Variants in LEMD3 observed in about 807,000 individuals in gnomAD.
LEMD3 encodes the protein inner nuclear membrane protein Man1.
Under a neutral mutation model 95.2 loss-of-function variants are expected in LEMD3, and 33 were observed. That is an observed-to-expected ratio of 0.35 (90% CI 0.26 to 0.46). LEMD3 has a LOEUF of 0.46. LEMD3 is among the 20% of genes least tolerant of loss of function. LEMD3 has a pLI of 1.00. For missense variants in LEMD3, 1,210 were observed against 1,192.8 expected, an observed-to-expected ratio of 1.01 and a Z score of -0.21; for synonymous variants, 525 against 474.6, an observed-to-expected ratio of 1.11 and a Z score of -1.38.
chr12:65,225,603 CAG>C (rs1293195646), intron 4 of LEMD3, among the ~76,000 whole-genome samples: 11 of 152,162 alleles, frequency 7.2e-5, no homozygotes, highest in African/African-American at 2.4e-4. Flanking sequence ...TGTTTTGAGA[CAG>C]AGTCTTGCTC....
At chr12:65,195,061 C>T (rs1449791435) in intron 1 of LEMD3, among the ~76,000 whole-genome samples, 1 of 151,910 alleles carries the variant, frequency 6.6e-6, no homozygotes, top group Non-Finnish European at 1.5e-5. Context: ...TCATAATTTT[C>T]TTACTGTTAT....
rs747990796 is a variant in LEMD3, at chr12:65,238,785, T to C, written c.1892T>C (p.Val631Ala). The C allele has an allele frequency of 2.5e-6, 4 of 1,614,090 alleles. No individual in the cohort carries two copies. The highest frequency in any genetic ancestry group is 3.4e-6 in the Non-Finnish European group (4 of 1,179,970). Reference sequence around the variant, plus strand: ...CGTTTTCGACGTGCTTTTGTTACTGTAACTCACAGATTATTGTTGTTATGC... The same window carrying C: ...CGTTTTCGACGTGCTTTTGTTACTGCAACTCACAGATTATTGTTGTTATGC... ...WCRFRRAFVTVTHRLLLLCLG... is the reference protein window; with the variant it reads ...WCRFRRAFVTATHRLLLLCLG... The change falls in exon 6 of 13, where the codon GTA (valine) becomes GCA (alanine). Residue 631 changes from valine (V) to alanine (A), a missense_variant. Val to Ala is a moderately conservative substitution (Grantham distance 64). Coordinates refer to ENST00000308330, the MANE Select transcript of LEMD3 (RefSeq NM_014319.5).
At chr12:65,198,244 C>A (rs1294254857) in intron 1 of LEMD3, among the ~76,000 whole-genome samples, 1 of 152,050 alleles carries the variant, frequency 6.6e-6, no homozygotes, top group African/African-American at 2.4e-5. Flanking sequence ...AGTGAGCTGT[C>A]ACCATGTTTA....
chr12:65,187,684 C>T (rs1055507665), intron 1 of LEMD3, among the ~76,000 whole-genome samples: 7 of 151,896 alleles, frequency 4.6e-5, no homozygotes, highest in African/African-American at 1.2e-4. Flanking sequence ...TAAATGGACT[C>T]CAGGTAAGCA....
intron 1 of LEMD3, among the ~76,000 whole-genome samples, chr12:65,194,302 A>G (rs1430777687): frequency 6.6e-6 from 1 of 151,936 alleles, no homozygotes; most frequent in Non-Finnish European, 1.5e-5. Context: ...AGAGAGGGGA[A>G]TTGCAATAGA....
At chr12:65,197,571 T>A (rs1379405047) in intron 1 of LEMD3, among the ~76,000 whole-genome samples, 1 of 152,140 alleles carries the variant, frequency 6.6e-6, no homozygotes, top group African/African-American at 2.4e-5. Flanking sequence ...GTAGTTTTGT[T>A]TTTGACTTGA....
At chr12:65,191,255 G>A (rs762955571) in intron 1 of LEMD3, among the ~76,000 whole-genome samples, 1 of 152,024 alleles carries the variant, frequency 6.6e-6, no homozygotes. Flanking sequence ...TTTCAGGAAA[G>A]CATCAGAGTA....
In LEMD3 at chr12:65,169,900, C is replaced by A. The variant is rs1189699554; in HGVS notation, c.304C>A (p.Arg102=). The A allele has an allele frequency of 6.9e-7, 1 of 1,451,190 alleles. No individual in the cohort carries two copies. The highest frequency in any genetic ancestry group is 1.5e-5 in the South Asian group (1 of 68,320). The allele number at this position is 1,451,190 out of a possible 1,614,324, so 89.9% of individuals were successfully genotyped here. Residue 102 remains arginine, a synonymous_variant, in exon 1 of 13, where the codon CGG becomes AGG. Transcript: ENST00000308330. The part of the protein sequence containing the change: ...RPVSGDLSYL[R]TPGGLCRISA... Reference sequence around the variant, plus strand: ...GGTCTCGGGCGACCTCTCCTACTTACGGACTCCTGGGGGCCTGTGCCGAAT... The same window carrying A: ...GGTCTCGGGCGACCTCTCCTACTTAAGGACTCCTGGGGGCCTGTGCCGAAT...
At chr12:65,183,894 T>A (rs577902924) in intron 1 of LEMD3, among the ~76,000 whole-genome samples, 5 of 152,190 alleles carry the variant, frequency 3.3e-5, no homozygotes, top group Admixed American at 6.5e-5. Flanking sequence ...TCCCATTCAT[T>A]AAACTGCTTT....
At chr12:65,202,373 A>T (rs1480503825) in intron 1 of LEMD3, among the ~76,000 whole-genome samples, 3 of 148,878 alleles carry the variant, frequency 2.0e-5, no homozygotes, top group Non-Finnish European at 4.5e-5. Context: ...AGATCATGTG[A>T]TTTTTTTTTT....
chr12:65,170,454 C>T lies in LEMD3; in HGVS notation c.858C>T (p.Pro286=), dbSNP rs138509307. ...ACGACTCCCTTTCCCGGCATCGGCCCAGACGAACCCATAGTAAGCCTCTCC... is the reference window on the plus strand; with the variant it reads ...ACGACTCCCTTTCCCGGCATCGGCCTAGACGAACCCATAGTAAGCCTCTCC... ...LKDDSLSRHR[P]RRTHSKPLPP... The change falls in exon 1 of 13, where the codon CCC becomes CCT. Residue 286 remains proline (P), a synonymous_variant. Transcript: ENST00000308330. The T allele has an allele frequency of 3.1e-6, 5 of 1,614,000 alleles. No homozygotes were observed. Among genetic ancestry groups the T allele is most frequent in the East Asian group, 2.2e-5 (1 of 44,868 alleles).
At chr12:65,238,450 GA>G (rs1246586138) in intron 4 of LEMD3, 51 bp from the exon 5 acceptor site, 12 of 1,110,852 alleles carry the variant, frequency 1.1e-5, no homozygotes, top group African/African-American at 3.1e-5. Context: ...ATACTTTACA[GA>G]GAGTCGAATG....
Position 65,245,790 on chromosome 12 carries a change from G to A in LEMD3, c.2493+16G>A. ...TTCACGTGAGGTAAAGTAACTTTTG[G>A]TATTGAATTTCATGTTTTGGATTTG... On this transcript the variant is annotated intron_variant, in intron 11 of 12. Coordinates refer to ENST00000308330, the MANE Select transcript of LEMD3 (RefSeq NM_014319.5). The A allele has an allele frequency of 1.9e-6, 3 of 1,607,390 alleles. No individual in the cohort carries two copies. The highest frequency in any genetic ancestry group is 1.7e-4 in the Middle Eastern group (1 of 6,044).
At chr12:65,236,907 C>G (rs1007272929) in intron 4 of LEMD3, among the ~76,000 whole-genome samples, 2 of 151,956 alleles carry the variant, frequency 1.3e-5, no homozygotes, top group Non-Finnish European at 2.9e-5. Flanking sequence ...TAATATGATA[C>G]CACATTTATT....
intron 1 of LEMD3, among the ~76,000 whole-genome samples, chr12:65,175,160 C>T (rs940070764): frequency 2.0e-5 from 3 of 152,142 alleles, no homozygotes; most frequent in Non-Finnish European, 4.4e-5. Context: ...AAGACCTAAA[C>T]GCCTTGAGGG....
In LEMD3 at chr12:65,170,797, G is replaced by A. The variant is rs2136313498; in HGVS notation, c.1201G>A (p.Asp401Asn). 6.2e-7 allele frequency: 1 copy of A among 1,614,150 alleles called. No individual in the cohort carries two copies. Residue 401 changes from aspartate (D) to asparagine (N), a missense_variant, in exon 1 of 13, where the codon GAC becomes AAC. Asp to Asn is a conservative substitution (Grantham distance 23, BLOSUM62 1). Coordinates refer to ENST00000308330, the MANE Select transcript of LEMD3 (RefSeq NM_014319.5). ...NHIGGGAFSV[D>N]SPRIYSNSLP... ...TATTGGCGGTGGGGCCTTCAGTGTG[G>A]ACTCCCCCAGGATTTATTCTAACAG...
intron 1 of LEMD3, among the ~76,000 whole-genome samples, chr12:65,203,929 A>G (rs1006552876): frequency 6.6e-6 from 1 of 152,176 alleles, no homozygotes; most frequent in Non-Finnish European, 1.5e-5. Flanking sequence ...ATTTTGCAGT[A>G]TCTGAAATTA....
rs569944899 is a variant in LEMD3 at position 65,248,259 on chromosome 12, T to C, written c.*1934T>C. ...ACTAGGTATTTGAGAAGTTCTGAAG[T>C]TTGATGTAATCTGTTACTTGTCCTG... On this transcript the variant is annotated 3_prime_UTR_variant, in exon 13 of 13. Transcript: ENST00000308330. The C allele has an allele frequency of 6.6e-6, 1 of 152,318 alleles. No homozygotes were observed. Among genetic ancestry groups the C allele is most frequent in the South Asian group, 2.1e-4 (1 of 4,828 alleles). The allele number at this position is 152,318 out of a possible 1,614,324, so 9.4% of individuals were successfully genotyped here.
intron 8 of LEMD3, 74 bp from the exon 9 acceptor site, chr12:65,240,835 A>C: frequency 7.7e-7 from 1 of 1,302,692 alleles, no homozygotes; most frequent in South Asian, 1.2e-5. Context: ...GTTAACTATT[A>C]CCTCAGATAC....
Sources: allele counts gnomAD v4.1 joint callset (sites outside exome capture counted in the v4.1 genomes callset), GRCh38; gene constraint gnomAD v4.1.1; transcripts MANE v1.5; gene names NCBI Gene and HGNC (gene_info 2026-07-23, HGNC 2026-07-21).